The following CADM2 variants were observed in gnomAD, a reference collection of about 807,000 sequenced individuals.
CADM2 encodes the protein immunoglobulin superfamily member 4D.
CADM2 carries 12 observed loss-of-function variants against 49.8 expected under a neutral mutation model. That is an observed-to-expected ratio of 0.24 (90% CI 0.15 to 0.39). CADM2 has a LOEUF of 0.39. Ranked by LOEUF, CADM2 falls within the 10% of genes least tolerant of loss-of-function variation. The pLI, the probability that CADM2 is intolerant of heterozygous loss-of-function variation, is 1.00. For synonymous variants in CADM2, 214 were observed against 175.4 expected (o/e 1.22, Z -1.74); for missense variants, 378 against 492.3 (o/e 0.77, Z 2.20).
intron 1 of CADM2, among the ~76,000 whole-genome samples, chr3:85,007,677 AAC>A (rs1212974064): frequency 1.3e-5 from 2 of 152,188 alleles, no homozygotes; most frequent in African/African-American, 2.4e-5. Context: ...TCTGAACACA[AAC>A]ACAAAAAATA....
chr3:85,128,207 T>G (rs991688868), intron 1 of CADM2, among the ~76,000 whole-genome samples: 9 of 152,178 alleles, frequency 5.9e-5, no homozygotes, highest in Non-Finnish European at 1.2e-4. Flanking sequence ...AGCTTCCAGA[T>G]CTTTGGCATC....
chr3:85,233,252 A>G (rs1028917435), intron 1 of CADM2, among the ~76,000 whole-genome samples: 1 of 152,130 alleles, frequency 6.6e-6, no homozygotes, highest in African/African-American at 2.4e-5. Context: ...GGGAGGGATA[A>G]ATAGGTGGCG....
intron 3 of CADM2, among the ~76,000 whole-genome samples, chr3:85,882,258 T>G (rs1465975596): frequency 6.7e-6 from 1 of 149,196 alleles, no homozygotes; most frequent in Non-Finnish European, 1.5e-5. Flanking sequence ...TTAGGCATCC[T>G]AGAAAAAGAG....
chr3:85,460,846 C>T (rs2038213069), intron 1 of CADM2, among the ~76,000 whole-genome samples: 2 of 151,720 alleles, frequency 1.3e-5, no homozygotes, highest in Admixed American at 6.6e-5. Flanking sequence ...ATGTATTTGC[C>T]CCATGGAAGC....
intron 2 of CADM2, among the ~76,000 whole-genome samples, chr3:85,767,143 C>A (rs1480671960): frequency 6.6e-6 from 1 of 152,052 alleles, no homozygotes; most frequent in African/African-American, 2.4e-5. Flanking sequence ...TAAAGTGAAA[C>A]ATTCCTAATT....
intron 3 of CADM2, among the ~76,000 whole-genome samples, chr3:85,847,998 T>C (rs1056923482): frequency 3.3e-4 from 50 of 152,154 alleles, no homozygotes; most frequent in Non-Finnish European, 6.0e-4. Context: ...CTTGTTTAAT[T>C]TTCTGTATGG....
chr3:85,543,403 G>A (rs552906503), intron 1 of CADM2, among the ~76,000 whole-genome samples: 9 of 107,688 alleles, frequency 8.4e-5, no homozygotes, highest in East Asian at 3.4e-4. Flanking sequence ...TACAGGCACC[G>A]CCACCATGCC....
At chr3:85,961,040 ATACATATTTATAAAAAT>A (rs1375351581) in intron 7 of CADM2, among the ~76,000 whole-genome samples, 2 of 147,082 alleles carry the variant, frequency 1.4e-5, no homozygotes, top group African/African-American at 4.9e-5. Context: ...CATATTTTAT[ATACATATTTATAAAAAT>A]TATATATTTA....
At chr3:85,877,430 C>A (rs1230190650) in intron 3 of CADM2, among the ~76,000 whole-genome samples, 2 of 151,928 alleles carry the variant, frequency 1.3e-5, no homozygotes, top group East Asian at 3.9e-4. Flanking sequence ...TATTACAATT[C>A]TTTATTTAGG....
At chr3:86,001,183 T>C (rs1730151076) in intron 8 of CADM2, among the ~76,000 whole-genome samples, 1 of 152,134 alleles carries the variant, frequency 6.6e-6, no homozygotes, top group Non-Finnish European at 1.5e-5. Flanking sequence ...TTCAGTGAGA[T>C]AGGAAACACT....
intron 1 of CADM2, among the ~76,000 whole-genome samples, chr3:85,297,573 A>G (rs1008244530): frequency 2.6e-5 from 4 of 152,010 alleles, no homozygotes; most frequent in African/African-American, 4.8e-5. Context: ...GCTTTAAGGC[A>G]GACTCCTAAT....
intron 8 of CADM2, among the ~76,000 whole-genome samples, chr3:86,004,532 A>G (rs1477815787): frequency 6.6e-6 from 1 of 152,242 alleles, no homozygotes; most frequent in Non-Finnish European, 1.5e-5. Flanking sequence ...ATAGCATGAC[A>G]GGATGAATAT....
At chr3:85,847,612 A>G (rs922867601) in intron 3 of CADM2, among the ~76,000 whole-genome samples, 1 of 152,178 alleles carries the variant, frequency 6.6e-6, no homozygotes, top group African/African-American at 2.4e-5. Flanking sequence ...AATGAGCTAC[A>G]TATTTGCTTT....
chr3:85,108,022 A>G (rs146226154), intron 1 of CADM2, among the ~76,000 whole-genome samples: 1 of 152,086 alleles, frequency 6.6e-6, no homozygotes, highest in South Asian at 2.1e-4. Flanking sequence ...CTATTTCTTT[A>G]AAAGTTAAAT....
At chr3:85,124,490 A>T (rs1489642216) in intron 1 of CADM2, among the ~76,000 whole-genome samples, 2 of 151,958 alleles carry the variant, frequency 1.3e-5, no homozygotes, top group East Asian at 1.9e-4. Flanking sequence ...CTGTAGTCCC[A>T]GCTACTTGTG....
At chr3:85,565,031 A>G (rs7636283) in intron 1 of CADM2, among the ~76,000 whole-genome samples, 6,193 of 152,184 alleles carry the variant, frequency 0.041, 419 homozygotes, top group African/African-American at 0.14. Context: ...TGAAAGTTGG[A>G]CAAGGACTCA....
intron 1 of CADM2, among the ~76,000 whole-genome samples, chr3:84,976,188 A>G (rs918735224): frequency 6.6e-5 from 10 of 151,834 alleles, no homozygotes; most frequent in Admixed American, 1.3e-4. Flanking sequence ...TGAACCAGAT[A>G]AAGAAATTAT....
Position 85,985,754 on chromosome 3 carries a change from A to G in CADM2, c.970+24107A>G, listed in dbSNP as rs1728025994. On this transcript the variant is annotated intron_variant, in intron 8 of 9. Transcript: ENST00000383699. ...TAAATAACTACTTTTTCACTCTAAA[A>G]GCATTTGAAACCATCTTAGTGACTT... Among the ~76,000 whole-genome samples the G allele has an allele frequency of 2.6e-5, 4 of 151,706 alleles. No individual in the cohort carries two copies. The South Asian group carries it at 8.3e-4, about 31-fold the overall frequency.
chr3:85,915,536 T>G (rs1577652021), intron 6 of CADM2, among the ~76,000 whole-genome samples: 1 of 151,984 alleles, frequency 6.6e-6, no homozygotes, highest in South Asian at 2.1e-4. Context: ...TTAGAGCAAA[T>G]TGGTGTGATT....
Sources: gnomAD v4.1 joint callset for allele counts (sites outside exome capture counted in the v4.1 genomes callset) on GRCh38, gnomAD v4.1.1 for gene constraint, MANE v1.5 for transcripts, NCBI Gene and HGNC (gene_info 2026-07-23, HGNC 2026-07-21) for gene names.